NLGN1: variants seen among roughly 807,000 people sequenced by gnomAD.
NLGN1 encodes the protein neuroligin 1.
In NLGN1, 12 loss-of-function variants were observed where a neutral mutation model predicts 65.5. The ratio of observed to expected loss-of-function variants is 0.18; its 90% confidence interval spans 0.12 to 0.30. NLGN1 has a LOEUF of 0.30. Ranked by LOEUF, NLGN1 falls within the 10% of genes least tolerant of loss-of-function variation. The pLI is 1.00. For missense variants in NLGN1, 750 were observed against 1,007.1 expected, an observed-to-expected ratio of 0.74 and a Z score of 3.46; for synonymous variants, 350 against 359.5, an observed-to-expected ratio of 0.97 and a Z score of 0.30.
At chr3:173,722,627 C>T (rs1394724019) in intron 3 of NLGN1, among the ~76,000 whole-genome samples, 1 of 152,148 alleles carries the variant, frequency 6.6e-6, no homozygotes, top group Non-Finnish European at 1.5e-5. Context: ...GTTCATTGTG[C>T]AGGCACTGCA....
chr3:173,674,898 G>A (rs929040203), intron 3 of NLGN1, among the ~76,000 whole-genome samples: 5 of 151,728 alleles, frequency 3.3e-5, no homozygotes, highest in Admixed American at 3.3e-4. Flanking sequence ...TAGTAATAGG[G>A]ATTTGGGATA....
At chr3:173,933,767 C>G (rs1744556993) in intron 4 of NLGN1, among the ~76,000 whole-genome samples, 1 of 152,110 alleles carries the variant, frequency 6.6e-6, no homozygotes, top group East Asian at 1.9e-4. Flanking sequence ...TAGGCAGTGA[C>G]TAGGTTATTT....
intron 2 of NLGN1, among the ~76,000 whole-genome samples, chr3:173,516,677 A>G (rs1159377137): frequency 6.6e-6 from 1 of 152,060 alleles, no homozygotes; most frequent in Non-Finnish European, 1.5e-5. Context: ...TCAACATCAC[A>G]TTCAAGAAAT....
At chr3:173,565,568 A>G (rs2149312295) in intron 2 of NLGN1, among the ~76,000 whole-genome samples, 1 of 152,322 alleles carries the variant, frequency 6.6e-6, no homozygotes, top group South Asian at 2.1e-4. Flanking sequence ...AAGATAGCAT[A>G]AGAACACTGG....
chr3:173,902,535 G>A (rs987857592), intron 4 of NLGN1, among the ~76,000 whole-genome samples: 12 of 151,976 alleles, frequency 7.9e-5, no homozygotes, highest in African/African-American at 2.9e-4. Flanking sequence ...ATAATTTAAG[G>A]TTACATTTAT....
intron 2 of NLGN1, among the ~76,000 whole-genome samples, chr3:173,451,135 G>C (rs181008717): frequency 1.3e-5 from 2 of 152,210 alleles, no homozygotes; most frequent in East Asian, 3.9e-4. Flanking sequence ...GAGGAGAGGC[G>C]CTCTGATTTT....
In NLGN1 at chr3:173,817,815, T is replaced by G. The variant is rs1020989681; in HGVS notation, c.646+9983T>G. 5.3e-5 allele frequency among the ~76,000 whole-genome samples: 8 copies of G among 152,332 alleles called. 1 individual carries two copies. In the East Asian group the frequency reaches 1.4e-3, roughly 26 times the overall value. On this transcript the variant is annotated intron_variant, in intron 4 of 6. Transcript: ENST00000457714. ...TTTGAGTTGTCCTAAAAAGGATATCTTATTATTTTTAATTATTGTCTTAAT... is the reference window on the plus strand; with the variant it reads ...TTTGAGTTGTCCTAAAAAGGATATCGTATTATTTTTAATTATTGTCTTAAT...
chr3:173,461,386 CAT>C (rs1723358848), intron 2 of NLGN1, among the ~76,000 whole-genome samples: 1 of 151,790 alleles, frequency 6.6e-6, no homozygotes. Flanking sequence ...TTGCATTAAT[CAT>C]GCACTATGCT....
chr3:173,397,166 C>T (rs563964619), upstream of NLGN1, among the ~76,000 whole-genome samples: 1 of 152,036 alleles, frequency 6.6e-6, no homozygotes, highest in Non-Finnish European at 1.5e-5. Flanking sequence ...GAAAGATAAC[C>T]AGCAAACAAA....
exon 7 of NLGN1, chr3:174,281,381 C>T (rs890992961): frequency 5.8e-6 from 5 of 864,914 alleles, no homozygotes; most frequent in Middle Eastern, 2.3e-4. Flanking sequence ...TTTCAACCTA[C>T]AAGACTTACT....
chr3:173,560,184 G>A (rs925129483), intron 2 of NLGN1, among the ~76,000 whole-genome samples: 1 of 152,064 alleles, frequency 6.6e-6, no homozygotes, highest in Non-Finnish European at 1.5e-5. Flanking sequence ...GCCCGCCTCG[G>A]CCTCCCAAAG....
intron 3 of NLGN1, among the ~76,000 whole-genome samples, chr3:173,774,756 C>T (rs1780053138): frequency 6.6e-6 from 1 of 152,094 alleles, no homozygotes; most frequent in Non-Finnish European, 1.5e-5. Flanking sequence ...CTCTCATTTG[C>T]ATTTTTTTCT....
At chr3:173,570,332 C>G (rs769738897) in intron 2 of NLGN1, among the ~76,000 whole-genome samples, 3 of 152,148 alleles carry the variant, frequency 2.0e-5, no homozygotes, top group Non-Finnish European at 4.4e-5. Flanking sequence ...CCACAAGTAG[C>G]GCAGCATGCT....
chr3:173,769,937 T>A, intron 3 of NLGN1, among the ~76,000 whole-genome samples: 1 of 152,160 alleles, frequency 6.6e-6, no homozygotes, highest in East Asian at 1.9e-4. Flanking sequence ...ATATCAGGTG[T>A]CCCTGCTTTA....
At chr3:173,760,277 T>C (rs1777783604) in intron 3 of NLGN1, among the ~76,000 whole-genome samples, 1 of 151,974 alleles carries the variant, frequency 6.6e-6, no homozygotes, top group Non-Finnish European at 1.5e-5. Flanking sequence ...AGAATCCGCA[T>C]TGAATTTGTC....
At chr3:173,712,161 G>A (rs1769094203) in intron 3 of NLGN1, among the ~76,000 whole-genome samples, 1 of 151,566 alleles carries the variant, frequency 6.6e-6, no homozygotes, top group South Asian at 2.1e-4. Context: ...CCACTGTGTT[G>A]AGTGTTTTTA....
chr3:174,086,183 ATGTGTGTGTG>A (rs140331992), intron 4 of NLGN1, among the ~76,000 whole-genome samples: 3 of 143,914 alleles, frequency 2.1e-5, no homozygotes, highest in South Asian at 4.4e-4. Context: ...AAGTATATAT[ATGTGTGTGTG>A]TGTGTGTGTG....
chr3:173,712,805 T>A lies in NLGN1; in HGVS notation c.494-94875T>A, dbSNP rs892964479. The stretch of plus-strand genomic sequence containing the variant: ...GAAACTTGAGGCGTTAAAATTTGAT[T>A]TTTTAAAGATAAAAAAATATACAGT... On this transcript the variant is annotated intron_variant, in intron 3 of 6. Transcript: ENST00000457714. Among the ~76,000 whole-genome samples, 8 of 148,792 alleles carry A rather than the reference T, an allele frequency of 5.4e-5. 1 individual carries two copies. The East Asian group carries it at 1.6e-3, about 29-fold the overall frequency.
chr3:173,646,099 G>A (rs1229116304), intron 3 of NLGN1, among the ~76,000 whole-genome samples: 9 of 152,082 alleles, frequency 5.9e-5, no homozygotes, highest in Admixed American at 4.6e-4. Context: ...GGTCCATCCC[G>A]TGGTATGTGG....
Sources: allele counts gnomAD v4.1 joint callset (sites outside exome capture counted in the v4.1 genomes callset), GRCh38; gene constraint gnomAD v4.1.1; transcripts MANE v1.5; gene names NCBI Gene and HGNC (gene_info 2026-07-23, HGNC 2026-07-21).